Variants in GNAO1 observed in about 807,000 individuals in gnomAD.
GNAO1 encodes guanine nucleotide-binding protein G(o) subunit alpha.
For missense variants in GNAO1, 166 were observed against 478.7 expected, an observed-to-expected ratio of 0.35 and a Z score of 6.10; for synonymous variants, 164 against 180.7, an observed-to-expected ratio of 0.91 and a Z score of 0.74.
intron 3 of GNAO1, among the ~76,000 whole-genome samples, chr16:56,306,312 C>G (rs1360376756): frequency 6.6e-6 from 1 of 152,222 alleles, no homozygotes; most frequent in East Asian, 1.9e-4. Context: ...GGGAAATCCC[C>G]TTCATCGTTG....
In GNAO1 at chr16:56,330,168, C is replaced by G. The variant is rs75145580; in HGVS notation, c.464+1377C>G. ...GTCCCAGGTGATGACTACCTAGGCC[C>G]CCGGGCCTGATGAGCTCCCAGGGAC... On this transcript the variant is annotated intron_variant, in intron 4 of 8. Coordinates refer to ENST00000262493, the MANE Select transcript of GNAO1 (RefSeq NM_020988.3). Among the ~76,000 whole-genome samples, 216 of 152,324 alleles carry G rather than the reference C, an allele frequency of 1.4e-3. 5 individuals carry two copies. The East Asian group carries it at 0.036, about 26-fold the overall frequency.
chr16:56,225,698 G>A (rs376474844), intron 2 of GNAO1, among the ~76,000 whole-genome samples: 5 of 152,110 alleles, frequency 3.3e-5, no homozygotes, highest in Non-Finnish European at 7.4e-5. Context: ...AAGACAGTAA[G>A]CATTTATTGA....
At chr16:56,347,733 AG>A in intron 6 of GNAO1, 1 of 984,332 alleles carries the variant, frequency 1.0e-6, no homozygotes, top group Non-Finnish European at 1.2e-6. Flanking sequence ...TGCAGCTCCG[AG>A]GCACCACTAC....
In GNAO1 at chr16:56,351,279, G is replaced by A; in HGVS notation, c.724-105G>A. ...GGCAGCCTCTCGGAGGAGCTGCCGA[G>A]TAGCCCAGTCCCTCTCTGTCAAGCC... On this transcript the variant is annotated intron_variant, in intron 6 of 8. Transcript: ENST00000262493. The surrounding 1 kb of genome is among the most constrained non-coding windows in gnomAD (Gnocchi z 6.1). 2 of 745,060 alleles carry A rather than the reference G, an allele frequency of 2.7e-6. No homozygotes were observed. Among genetic ancestry groups the A allele is most frequent in the Non-Finnish European group, 4.5e-6 (2 of 447,314 alleles). 46.2% of individuals were successfully genotyped at this position (745,060 alleles called of 1,614,324 possible).
At chr16:56,256,694 C>G (rs1478467) in intron 2 of GNAO1, among the ~76,000 whole-genome samples, 35,563 of 107,006 alleles carry the variant, frequency 0.33, 4,687 homozygotes, top group South Asian at 0.4. Flanking sequence ...CTGTCTCTCT[C>G]TCTCTCTCTC....
Position 56,326,227 on chromosome 16 carries a change from A to C in GNAO1, c.304-2404A>C, listed in dbSNP as rs1270808862. 6.6e-6 allele frequency among the ~76,000 whole-genome samples: 1 copy of C among 152,170 alleles called. No homozygotes were observed. Among genetic ancestry groups the C allele is most frequent in the Non-Finnish European group, 1.5e-5 (1 of 68,032 alleles). ...GTGGTGCCCCAGGCGGGCAGTAGTC[A>C]CTAGGCAGGGGTGTTCTCAGGACCT... On this transcript the variant is annotated intron_variant, in intron 3 of 8. Coordinates refer to ENST00000262493, the MANE Select transcript of GNAO1 (RefSeq NM_020988.3). This position sits in a 1 kb window ranked among gnomAD's most constrained non-coding sequence, Gnocchi z 4.8.
intron 2 of GNAO1, among the ~76,000 whole-genome samples, chr16:56,260,880 G>A (rs2036897393): frequency 6.6e-6 from 1 of 152,124 alleles, no homozygotes; most frequent in South Asian, 2.1e-4. Context: ...GCTGGGCTGG[G>A]TTTTGCTGTG....
At chr16:56,333,864 G>A (rs2037715492) in intron 4 of GNAO1, among the ~76,000 whole-genome samples, 1 of 152,250 alleles carries the variant, frequency 6.6e-6, no homozygotes, top group South Asian at 2.1e-4. Flanking sequence ...TGGGTGGCCT[G>A]GCAGGCTCCA....
At chr16:56,232,623 C>T (rs2036600021) in intron 2 of GNAO1, among the ~76,000 whole-genome samples, 1 of 152,234 alleles carries the variant, frequency 6.6e-6, no homozygotes, top group Non-Finnish European at 1.5e-5. Context: ...CTATTGGCCT[C>T]TCACAGAGCT....
At chr16:56,228,375 A>G (rs2036554041) in intron 2 of GNAO1, among the ~76,000 whole-genome samples, 1 of 151,944 alleles carries the variant, frequency 6.6e-6, no homozygotes, top group African/African-American at 2.4e-5. Context: ...ATGTATGTGT[A>G]TATACGTGAG....
intron 2 of GNAO1, among the ~76,000 whole-genome samples, chr16:56,212,181 G>A (rs1215566808): frequency 6.6e-6 from 1 of 152,310 alleles, no homozygotes; most frequent in East Asian, 1.9e-4. Flanking sequence ...TCAATTCAGG[G>A]AGAGTTTTAG....
At chr16:56,327,118 T>C (rs1222173831) in intron 3 of GNAO1, among the ~76,000 whole-genome samples, 2 of 152,072 alleles carry the variant, frequency 1.3e-5, no homozygotes, top group Non-Finnish European at 2.9e-5. Flanking sequence ...AGCAATGCTG[T>C]CTACTGAGCC....
intron 6 of GNAO1, chr16:56,344,360 G>A (rs770937940): frequency 2.6e-4 from 267 of 1,040,196 alleles, no homozygotes; most frequent in Middle Eastern, 4.6e-4. Flanking sequence ...CTGGCAGGGT[G>A]GGGTCATAGG....
intron 3 of GNAO1, among the ~76,000 whole-genome samples, chr16:56,310,252 C>A (rs1180985337): frequency 6.6e-6 from 1 of 152,158 alleles, no homozygotes; most frequent in African/African-American, 2.4e-5. Flanking sequence ...ATTGCTTGAG[C>A]CTGGGGGGTT....
chr16:56,342,569 G>A (rs1304197384), intron 6 of GNAO1, among the ~76,000 whole-genome samples: 1 of 152,254 alleles, frequency 6.6e-6, no homozygotes, highest in Non-Finnish European at 1.5e-5. Context: ...TGCCCCCTGA[G>A]GAAGGCAGCA....
In GNAO1 at chr16:56,211,770, C is replaced by T. The variant is rs117814846; in HGVS notation, c.161+19154C>T. On this transcript the variant is annotated intron_variant, in intron 2 of 8. Coordinates refer to ENST00000262493, the MANE Select transcript of GNAO1 (RefSeq NM_020988.3). ...TCGCAGTGCTTCCCAGCACCCCCTC[C>T]CGCTTCTCGTTGATTGTCCAGAGCT... is the stretch of plus-strand genomic sequence containing the variant. 1.1e-3 allele frequency among the ~76,000 whole-genome samples: 172 copies of T among 152,324 alleles called. 2 individuals are homozygous for T. In the East Asian group the frequency reaches 0.031, roughly 27 times the overall value.
intron 2 of GNAO1, among the ~76,000 whole-genome samples, chr16:56,199,893 T>G (rs1432307714): frequency 6.6e-6 from 1 of 152,246 alleles, no homozygotes; most frequent in Non-Finnish European, 1.5e-5. Flanking sequence ...AATAAAATCT[T>G]GCAAGGCTAA....
intron 3 of GNAO1, among the ~76,000 whole-genome samples, chr16:56,295,840 G>A (rs1009464759): frequency 1.3e-4 from 20 of 152,344 alleles, no homozygotes; most frequent in South Asian, 6.2e-4. Flanking sequence ...GAAACCTGGG[G>A]CTCCTGGGTA....
chr16:56,200,996 C>T (rs1275803404), intron 2 of GNAO1, among the ~76,000 whole-genome samples: 1 of 152,134 alleles, frequency 6.6e-6, no homozygotes, highest in Non-Finnish European at 1.5e-5. Context: ...TCCATCTGTC[C>T]ATCCATAAGC....
Sources: allele counts gnomAD v4.1 joint callset (sites outside exome capture counted in the v4.1 genomes callset), GRCh38; gene constraint gnomAD v4.1.1; non-coding constraint Gnocchi (gnomAD v3.1); transcripts MANE v1.5; gene names NCBI Gene and HGNC (gene_info 2026-07-23, HGNC 2026-07-21).